The following PLA2G4E variants were observed in gnomAD, a reference collection of about 807,000 sequenced individuals.
PLA2G4E encodes the protein cytosolic phospholipase A2 epsilon.
In PLA2G4E, 84 loss-of-function variants were observed where a neutral mutation model predicts 109.1. The observed-to-expected ratio is 0.77, with a 90% CI of 0.65 to 0.92. PLA2G4E has a LOEUF of 0.92. PLA2G4E is among the 40% of genes least tolerant of loss of function. The probability of loss-of-function intolerance (pLI) is 0.00; values close to 1 mark genes in which losing one functional copy is unlikely to be tolerated. For synonymous variants in PLA2G4E, 469 were observed against 436.1 expected (o/e 1.08, Z -0.94); for missense variants, 1,057 against 1,076.6 (o/e 0.98, Z 0.25).
chr15:42,013,606 C>T, intron 2 of PLA2G4E, 79 bp downstream of exon 2: 1 of 1,395,912 alleles, frequency 7.2e-7, no homozygotes, highest in Non-Finnish European at 9.9e-7. Flanking sequence ...CACGGATCCA[C>T]CTGACCATTT....
chr15:41,989,798 A>T (rs2068212795), intron 14 of PLA2G4E, among the ~76,000 whole-genome samples: 2 of 152,216 alleles, frequency 1.3e-5, no homozygotes, highest in South Asian at 4.1e-4. Context: ...TGAATGGGAC[A>T]AAAACTGACC....
intron 1 of PLA2G4E, among the ~76,000 whole-genome samples, chr15:42,043,564 C>CAAAAAAAAAA (rs58079481): frequency 4.2e-5 from 4 of 95,320 alleles, no homozygotes; most frequent in African/African-American, 7.7e-5. Flanking sequence ...ATGGAGGATA[C>CAAAAAAAAAA]AAAAAAAAAA....
chr15:41,999,148 G>A (rs2068385535), intron 10 of PLA2G4E: 1 of 159,838 alleles, frequency 6.3e-6, no homozygotes, highest in Admixed American at 6.4e-5. Flanking sequence ...AAGCACAAGT[G>A]ACAAGATAAA....
exon 20 of PLA2G4E, chr15:41,983,651 T>C (rs1234804349): frequency 1.9e-6 from 2 of 1,079,794 alleles, no homozygotes; most frequent in Non-Finnish European, 2.7e-6. Flanking sequence ...TCACACCCAT[T>C]GCCGGAGAGC....
At chr15:42,033,181 T>G (rs1889144719) in intron 1 of PLA2G4E, among the ~76,000 whole-genome samples, 1 of 152,178 alleles carries the variant, frequency 6.6e-6, no homozygotes. Context: ...TCCTGAGCTC[T>G]TGCTGGAGAA....
chr15:42,039,549 A>G (rs1889278240), intron 1 of PLA2G4E, among the ~76,000 whole-genome samples: 1 of 152,094 alleles, frequency 6.6e-6, no homozygotes, highest in South Asian at 2.1e-4. Flanking sequence ...ATATATATAT[A>G]TGAATACTTG....
At chr15:42,006,739 T>G (rs926110895) in intron 3 of PLA2G4E, among the ~76,000 whole-genome samples, 3 of 152,210 alleles carry the variant, frequency 2.0e-5, no homozygotes, top group African/African-American at 4.8e-5. Context: ...GACTAATCTC[T>G]GAGGCCTCTT....
At chr15:41,985,418 C>T (rs2068124801) in intron 18 of PLA2G4E, among the ~76,000 whole-genome samples, 1 of 152,212 alleles carries the variant, frequency 6.6e-6, no homozygotes, top group South Asian at 2.1e-4. Context: ...GCTTCCCTCC[C>T]ACCTGAGAGC....
chr15:41,999,555 T>C (rs2068391098), exon 10 of PLA2G4E: 1 of 1,612,282 alleles, frequency 6.2e-7, no homozygotes, highest in Admixed American at 1.7e-5. Context: ...AATTCATAAC[T>C]CTCACCCTGG....
rs575369201 is a variant in PLA2G4E, at chr15:41,987,313, C to T, written c.1894G>A (p.Val632Met). Residue 632 changes from valine (V) to methionine (M), a missense_variant, in exon 17 of 20, where the codon GTG (valine) becomes ATG (methionine). Physicochemically the swap from Val to Met is conservative, Grantham distance 21 (BLOSUM62 1). Coordinates refer to ENST00000399518, the Ensembl canonical transcript of PLA2G4E. The stretch of plus-strand genomic sequence containing the variant: ...TTGGACAGCCATGACCCTGGGATCA[C>T]TACCGTGGTCTCCAGGATGTTAGCA... 305 of 1,614,004 alleles carry T rather than the reference C, an allele frequency of 1.9e-4. 3 individuals carry two copies. The East Asian group carries it at 4.6e-3, about 24-fold the overall frequency.
chr15:42,034,392 C>A (rs191333087), intron 1 of PLA2G4E, among the ~76,000 whole-genome samples: 15 of 152,288 alleles, frequency 9.8e-5, no homozygotes, highest in African/African-American at 3.6e-4. Flanking sequence ...AGTACATAAG[C>A]CAGTCCTGAG....
chr15:42,012,855 G>C (rs1312055307), intron 2 of PLA2G4E, among the ~76,000 whole-genome samples: 1 of 152,218 alleles, frequency 6.6e-6, no homozygotes, highest in Non-Finnish European at 1.5e-5. Flanking sequence ...GTGGTTACCG[G>C]TGAGCAGGGA....
exon 12 of PLA2G4E, chr15:41,995,492 G>A (rs987563808): frequency 9.9e-6 from 16 of 1,613,460 alleles, no homozygotes; most frequent in African/African-American, 2.7e-5. Flanking sequence ...GGCTATCAGC[G>A]GCACCTGGGG....
At chr15:42,027,614 G>T (rs1227187435) in intron 1 of PLA2G4E, among the ~76,000 whole-genome samples, 2 of 152,204 alleles carry the variant, frequency 1.3e-5, no homozygotes, top group Non-Finnish European at 2.9e-5. Flanking sequence ...TACGTGACTG[G>T]CCGGATTCAA....
rs181889229 is a variant in PLA2G4E at position 42,014,986 on chromosome 15, G to A, written c.184-1229C>T. ...TGGGAACACTCCCAGCCCTGCTCAC[G>A]CGGTGCTGATGGCTCCTCCTTCCGT... On this transcript the variant is annotated intron_variant, in intron 1 of 19. Coordinates refer to ENST00000399518, the Ensembl canonical transcript of PLA2G4E. 4.8e-3 allele frequency among the ~76,000 whole-genome samples: 727 copies of A among 152,196 alleles called. 4 individuals carry two copies. Among genetic ancestry groups the A allele is most frequent in the Non-Finnish European group, 7.6e-3 (515 of 67,998 alleles).
chr15:42,018,804 C>T (rs971434271), intron 1 of PLA2G4E, among the ~76,000 whole-genome samples: 1 of 152,112 alleles, frequency 6.6e-6, no homozygotes, highest in African/African-American at 2.4e-5. Flanking sequence ...GGGGACCTTG[C>T]CAGCTCATGT....
chr15:42,032,309 A>G (rs1175268247), intron 1 of PLA2G4E, among the ~76,000 whole-genome samples: 1 of 152,188 alleles, frequency 6.6e-6, no homozygotes, highest in Non-Finnish European at 1.5e-5. Context: ...AGTTCCAGCC[A>G]AGTTCTAACA....
At chr15:42,006,453 C>T (rs1416724731) in intron 3 of PLA2G4E, among the ~76,000 whole-genome samples, 1 of 152,128 alleles carries the variant, frequency 6.6e-6, no homozygotes, top group Non-Finnish European at 1.5e-5. Context: ...TGGGAAAGAG[C>T]AAGCAAGACC....
intron 12 of PLA2G4E, 43 bp downstream of exon 12, chr15:41,995,317 G>A (rs771429635): frequency 6.3e-7 from 1 of 1,594,078 alleles, no homozygotes; most frequent in Non-Finnish European, 8.6e-7. Flanking sequence ...GCCTGTTCGT[G>A]GCTTGCCCTG....
Sources: gnomAD v4.1 joint callset for allele counts (sites outside exome capture counted in the v4.1 genomes callset) on GRCh38, gnomAD v4.1.1 for gene constraint, MANE v1.5 for transcripts, NCBI Gene and HGNC (gene_info 2026-07-23, HGNC 2026-07-21) for gene names.